ATP1B3: variants seen among roughly 807,000 people sequenced by gnomAD.
ATP1B3 encodes the protein sodium/potassium-transporting ATPase subunit beta-3.
Under a neutral mutation model 30.2 loss-of-function variants are expected in ATP1B3, and 10 were observed. That is an observed-to-expected ratio of 0.33 (90% confidence interval 0.20 to 0.56). The LOEUF (loss-of-function observed/expected upper bound fraction) is 0.56, where lower values mean the gene tolerates loss of function less well. Ranked by LOEUF, ATP1B3 falls within the 20% of genes least tolerant of loss-of-function variation. The probability of loss-of-function intolerance (pLI) is 0.90; values close to 1 mark genes in which losing one functional copy is unlikely to be tolerated. For missense variants in ATP1B3, 238 were observed against 336.7 expected, an observed-to-expected ratio of 0.71 and a Z score of 2.29; for synonymous variants, 113 against 117.0, an observed-to-expected ratio of 0.97 and a Z score of 0.22.
chr3:141,897,740 C>T (rs1934095223), intron 1 of ATP1B3, among the ~76,000 whole-genome samples: 1 of 152,120 alleles, frequency 6.6e-6, no homozygotes, highest in Non-Finnish European at 1.5e-5. Context: ...GACAGAGTCT[C>T]ACTCTGACAC....
chr3:141,919,999 G>C (rs552250513), intron 5 of ATP1B3, among the ~76,000 whole-genome samples: 41 of 152,124 alleles, frequency 2.7e-4, no homozygotes, highest in African/African-American at 9.4e-4. Flanking sequence ...GCTTCACCCT[G>C]AGTACCTCAT....
intron 1 of ATP1B3, among the ~76,000 whole-genome samples, chr3:141,893,449 G>A (rs996158167): frequency 2.0e-5 from 3 of 152,054 alleles, no homozygotes; most frequent in African/African-American, 7.2e-5. Flanking sequence ...TTCCTGTGGA[G>A]TTCCTATTAG....
At chr3:141,897,644 G>C (rs1054425068) in intron 1 of ATP1B3, among the ~76,000 whole-genome samples, 4 of 152,144 alleles carry the variant, frequency 2.6e-5, no homozygotes, top group African/African-American at 9.7e-5. Flanking sequence ...GTGAGAGTGT[G>C]TGTATACATA....
At chr3:141,907,313 T>G (rs1338407715) in intron 3 of ATP1B3, 39 bp downstream of exon 3, 1 of 1,542,736 alleles carries the variant, frequency 6.5e-7, no homozygotes, top group Non-Finnish European at 8.9e-7. Flanking sequence ...GAGATTTTAG[T>G]TATAGAAATT....
In ATP1B3 at chr3:141,907,314, T is replaced by C. The variant is rs74650318; in HGVS notation, c.346+40T>C. On this transcript the variant is annotated intron_variant, in intron 3 of 6. Transcript: ENST00000286371. ...TTAGAGTAAGGTCAGAGATTTTAGTTATAGAAATTAGTACCAAATTGTGGG... is the reference window on the plus strand; with the variant it reads ...TTAGAGTAAGGTCAGAGATTTTAGTCATAGAAATTAGTACCAAATTGTGGG... The C allele has an allele frequency of 1.2e-3, 1,898 of 1,542,050 alleles. 15 individuals carry two copies. The African/African-American group carries it at 0.022, about 18-fold the overall frequency.
At chr3:141,921,065 A>G (rs1934555267) in intron 5 of ATP1B3, among the ~76,000 whole-genome samples, 1 of 152,020 alleles carries the variant, frequency 6.6e-6, no homozygotes, top group Non-Finnish European at 1.5e-5. Flanking sequence ...CCTGTCTCAA[A>G]AAAATTTTTT....
At chr3:141,918,432 A>G (rs1934506902) in intron 5 of ATP1B3, 1 of 151,644 alleles carries the variant, frequency 6.6e-6, no homozygotes, top group South Asian at 2.1e-4. Context: ...AGTATAAACA[A>G]TTCCATATAC....
rs745870807 is a variant in ATP1B3 at position 141,925,523 on chromosome 3, A to G, written c.670-8A>G. 16 of 1,589,788 alleles carry G rather than the reference A, an allele frequency of 1.0e-5. No homozygotes were observed. The highest frequency in any genetic ancestry group is 1.3e-5 in the Non-Finnish European group (15 of 1,170,876). The stretch of plus-strand genomic sequence containing the variant: ...GTTTGAATTAATATATTTTCCTTTT[A>G]TTGCCAGGTTGGGTATCTACAGCCA... On this transcript the variant is annotated splice_polypyrimidine_tract_variant and splice_region_variant and intron_variant, in intron 6 of 6. Coordinates refer to ENST00000286371, the MANE Select transcript of ATP1B3 (RefSeq NM_001679.4).
At chr3:141,919,806 G>A (rs1464877987) in intron 5 of ATP1B3, among the ~76,000 whole-genome samples, 2 of 152,064 alleles carry the variant, frequency 1.3e-5, no homozygotes, top group African/African-American at 4.8e-5. Flanking sequence ...TGACGTGGTG[G>A]CATGTGCCTG....
At chr3:141,913,160 C>G (rs564452239) in intron 3 of ATP1B3, among the ~76,000 whole-genome samples, 57 of 151,956 alleles carry the variant, frequency 3.8e-4, no homozygotes, top group Middle Eastern at 3.4e-3. Flanking sequence ...CTCCTAGCTT[C>G]ATTAACTCCC....
At chr3:141,889,134 A>C (rs2107765889) in intron 1 of ATP1B3, among the ~76,000 whole-genome samples, 1 of 152,218 alleles carries the variant, frequency 6.6e-6, no homozygotes, top group Non-Finnish European at 1.5e-5. Flanking sequence ...ATGAGAACTC[A>C]TTATCACAAG....
chr3:141,896,750 A>G (rs942730114), intron 1 of ATP1B3, among the ~76,000 whole-genome samples: 2 of 152,030 alleles, frequency 1.3e-5, no homozygotes, highest in African/African-American at 4.8e-5. Context: ...ATTTTTAAAA[A>G]TTATCCTTCA....
intron 1 of ATP1B3, among the ~76,000 whole-genome samples, chr3:141,901,208 G>T (rs972029579): frequency 1.3e-5 from 2 of 152,188 alleles, no homozygotes; most frequent in African/African-American, 4.8e-5. Context: ...ACATCAAGTA[G>T]CACTGAGGCG....
At chr3:141,900,004 C>G (rs1934132677) in intron 1 of ATP1B3, among the ~76,000 whole-genome samples, 2 of 152,066 alleles carry the variant, frequency 1.3e-5, no homozygotes, top group Non-Finnish European at 2.9e-5. Context: ...GTACTCCAGC[C>G]TGGGTGACAG....
At position 141,913,759 on chromosome 3, in the gene ATP1B3, C is replaced by A; in HGVS notation, c.454C>A (p.Gln152Lys). 3.7e-6 allele frequency: 6 copies of A among 1,614,092 alleles called. No homozygotes were observed. The highest frequency in any genetic ancestry group is 5.1e-6 in the Non-Finnish European group (6 of 1,179,976). ...ATGTCAGTTTCCTATTTCATTACTT[C>A]AAGCATGCAGTGGTATGAATGATCC... ...VACQFPISLL[Q>K]ACSGMNDPDF... Residue 152 changes from glutamine (Q) to lysine (K), a missense_variant, in exon 4 of 7, where the codon CAA becomes AAA. By Grantham distance (53) the Gln-to-Lys change is moderately conservative. Transcript: ENST00000286371.
chr3:141,890,069 G>A (rs1329514034), intron 1 of ATP1B3, among the ~76,000 whole-genome samples: 1 of 138,386 alleles, frequency 7.2e-6, no homozygotes, highest in Non-Finnish European at 1.5e-5. Flanking sequence ...AAAAATGCCT[G>A]TAATCTAATT....
chr3:141,918,047 C>T (rs1173912444), intron 5 of ATP1B3, among the ~76,000 whole-genome samples: 7 of 152,112 alleles, frequency 4.6e-5, no homozygotes, highest in African/African-American at 1.4e-4. Flanking sequence ...GGATTACAGG[C>T]GTGAGCCACC....
At chr3:141,883,165 C>G (rs1185686068) in intron 1 of ATP1B3, among the ~76,000 whole-genome samples, 1 of 152,148 alleles carries the variant, frequency 6.6e-6, no homozygotes. Flanking sequence ...CTTTGATAGT[C>G]TGATACCCAG....
chr3:141,910,365 T>A (rs1934337676), intron 3 of ATP1B3, among the ~76,000 whole-genome samples: 1 of 152,292 alleles, frequency 6.6e-6, no homozygotes, highest in Non-Finnish European at 1.5e-5. Context: ...ATTACACTTT[T>A]CCTGCTGGTT....
Sources: gnomAD v4.1 joint callset for allele counts (sites outside exome capture counted in the v4.1 genomes callset) on GRCh38, gnomAD v4.1.1 for gene constraint, MANE v1.5 for transcripts, NCBI Gene and HGNC (gene_info 2026-07-23, HGNC 2026-07-21) for gene names.